ARL13B: variants seen among roughly 807,000 people sequenced by gnomAD.
ARL13B encodes ARF like GTPase 13B, also known as ADP-ribosylation factor-like protein 13B.
A neutral mutation model predicts 56.1 loss-of-function variants in ARL13B; 36 were observed. The ratio of observed to expected loss-of-function variants is 0.64; its 90% CI spans 0.49 to 0.85. The LOEUF is 0.85. ARL13B is among the 40% of genes least tolerant of loss of function. The probability of loss-of-function intolerance (pLI) is 0.00; values close to 1 mark genes in which losing one functional copy is unlikely to be tolerated. For synonymous variants in ARL13B, 178 were observed against 171.1 expected (o/e 1.04, Z -0.32); for missense variants, 519 against 507.1 (o/e 1.02, Z -0.23).
chr3:94,052,428 G>A (rs2077081743), intron 9 of ARL13B, among the ~76,000 whole-genome samples: 1 of 152,092 alleles, frequency 6.6e-6, no homozygotes, highest in Admixed American at 6.5e-5. Flanking sequence ...TGGGCAGTTA[G>A]GGAAAGTGGC....
chr3:94,007,526 G>C (rs1322704103), intron 3 of ARL13B, among the ~76,000 whole-genome samples: 3 of 152,134 alleles, frequency 2.0e-5, no homozygotes, highest in African/African-American at 7.2e-5. Context: ...AATCATGGTG[G>C]GAGGCAAAAG....
chr3:94,051,466 C>T (rs999657980), intron 9 of ARL13B, among the ~76,000 whole-genome samples: 5 of 152,018 alleles, frequency 3.3e-5, no homozygotes, highest in African/African-American at 4.8e-5. Context: ...ATATAACATA[C>T]GCTATAGTCT....
chr3:94,016,754 C>G (rs1310944744), intron 3 of ARL13B, among the ~76,000 whole-genome samples: 3 of 151,104 alleles, frequency 2.0e-5, no homozygotes, highest in East Asian at 2.0e-4. Flanking sequence ...TTAAGTGATT[C>G]TCCTGCCTCA....
At chr3:93,992,855 A>G (rs1261997087) in intron 1 of ARL13B, among the ~76,000 whole-genome samples, 1 of 151,976 alleles carries the variant, frequency 6.6e-6, no homozygotes, top group Non-Finnish European at 1.5e-5. Flanking sequence ...TACAAGTGGT[A>G]CGATCTTGTC....
At position 94,054,625 on chromosome 3, in the gene ARL13B, A is replaced by T. The variant is rs1200272996; in HGVS notation, c.*1362A>T. The stretch of plus-strand genomic sequence containing the variant: ...CATTAAGTACATTTTATGTCGTTTA[A>T]TATAATTATTTACTTTAAAAATTGT... On this transcript the variant is annotated 3_prime_UTR_variant, in exon 10 of 10. Transcript: ENST00000394222. 5.3e-6 allele frequency: 2 copies of T among 376,596 alleles called. No homozygotes were observed. Among genetic ancestry groups the T allele is most frequent in the Non-Finnish European group, 1.0e-5 (2 of 194,300 alleles). 23.3% of individuals were successfully genotyped at this position (376,596 alleles called of 1,614,324 possible).
intron 2 of ARL13B, among the ~76,000 whole-genome samples, chr3:93,996,218 A>G (rs2075963044): frequency 6.6e-6 from 1 of 152,202 alleles, no homozygotes; most frequent in African/African-American, 2.4e-5. Context: ...TCTAGACAAT[A>G]GGAAGGAAAA....
intron 5 of ARL13B, among the ~76,000 whole-genome samples, chr3:94,037,043 C>T (rs1335463022): frequency 6.6e-6 from 1 of 152,056 alleles, no homozygotes; most frequent in African/African-American, 2.4e-5. Context: ...CAGTGGTTCT[C>T]AATGCACAGG....
At chr3:94,048,504 C>T (rs553760958) in intron 7 of ARL13B, among the ~76,000 whole-genome samples, 8 of 152,272 alleles carry the variant, frequency 5.3e-5, no homozygotes, top group African/African-American at 1.9e-4. Context: ...TTCAATTCTG[C>T]TAGTTCTAAT....
chr3:94,016,114 TATAG>T (rs1426376480), intron 3 of ARL13B, among the ~76,000 whole-genome samples: 15 of 152,112 alleles, frequency 9.9e-5, no homozygotes, highest in African/African-American at 3.6e-4. Context: ...TATTTAATGA[TATAG>T]ATATATATGA....
chr3:93,982,554 A>G (rs1710270219), intron 1 of ARL13B, among the ~76,000 whole-genome samples: 1 of 152,242 alleles, frequency 6.6e-6, no homozygotes, highest in Admixed American at 6.5e-5. Flanking sequence ...TAAATAATAT[A>G]TTAGAATTAA....
intron 2 of ARL13B, among the ~76,000 whole-genome samples, chr3:94,002,072 G>C (rs765527891): frequency 3.9e-5 from 6 of 152,168 alleles, no homozygotes; most frequent in Non-Finnish European, 8.8e-5. Flanking sequence ...CTGTTTCTCA[G>C]TCACACCTAA....
intron 6 of ARL13B, among the ~76,000 whole-genome samples, chr3:94,041,682 C>T (rs573122530): frequency 2.6e-5 from 4 of 152,058 alleles, no homozygotes; most frequent in Non-Finnish European, 5.9e-5. Context: ...GACACGTATG[C>T]ACAAAAGAAC....
At chr3:93,999,773 A>G (rs1176355633) in intron 2 of ARL13B, among the ~76,000 whole-genome samples, 2 of 152,216 alleles carry the variant, frequency 1.3e-5, no homozygotes, top group Non-Finnish European at 2.9e-5. Flanking sequence ...CAGTAATTGC[A>G]TTAGTTGGAC....
At chr3:94,033,236 T>A (rs2076708193) in intron 3 of ARL13B, among the ~76,000 whole-genome samples, 1 of 151,662 alleles carries the variant, frequency 6.6e-6, no homozygotes, top group Non-Finnish European at 1.5e-5. Flanking sequence ...GGAAGGGGAG[T>A]TAGAGATGAG....
chr3:94,023,535 C>A (rs952208395), intron 3 of ARL13B, among the ~76,000 whole-genome samples: 1 of 151,412 alleles, frequency 6.6e-6, no homozygotes, highest in African/African-American at 2.4e-5. Flanking sequence ...TCTCCATTTT[C>A]TTTGTATTAT....
At chr3:94,015,554 A>G (rs1047447318) in intron 3 of ARL13B, among the ~76,000 whole-genome samples, 2 of 152,232 alleles carry the variant, frequency 1.3e-5, no homozygotes, top group African/African-American at 4.8e-5. Flanking sequence ...CAGTTGGTCA[A>G]AAATATTTGT....
chr3:94,032,747 C>T (rs1478575766), intron 3 of ARL13B, among the ~76,000 whole-genome samples: 22 of 152,286 alleles, frequency 1.4e-4, no homozygotes, highest in African/African-American at 4.8e-5. Context: ...CCGCCCGCCT[C>T]GGCCTCCCAA....
At chr3:94,045,061 A>G (rs925869954) in intron 7 of ARL13B, among the ~76,000 whole-genome samples, 2 of 152,004 alleles carry the variant, frequency 1.3e-5, no homozygotes, top group African/African-American at 2.4e-5. Context: ...GTCTGTGTAG[A>G]AAGAAGTAGA....
chr3:94,003,814 G>T lies in ARL13B; in HGVS notation c.286G>T (p.Val96Leu), dbSNP rs765833452. Reference sequence around the variant, plus strand: ...TGAATCCTATGGGGTAATATTTGTTGTGGATTCCAGTGATGAAGAGAGAAT... The same window carrying T: ...TGAATCCTATGGGGTAATATTTGTTTTGGATTCCAGTGATGAAGAGAGAAT... ...YAESYGVIFV[V>L]DSSDEERMEE... The change falls in exon 3 of 10, where the codon GTG becomes TTG. Residue 96 changes from valine (V) to leucine (L), a missense_variant. By Grantham distance (32) the Val-to-Leu change is conservative. Coordinates refer to ENST00000394222, the MANE Select transcript of ARL13B (RefSeq NM_001174150.2). 18 of 1,613,742 alleles carry T rather than the reference G, an allele frequency of 1.1e-5. No homozygotes were observed. The highest frequency in any genetic ancestry group is 3.3e-4 in the Middle Eastern group (2 of 6,058).
Sources: allele counts gnomAD v4.1 joint callset (sites outside exome capture counted in the v4.1 genomes callset), GRCh38; gene constraint gnomAD v4.1.1; transcripts MANE v1.5; gene names NCBI Gene and HGNC (gene_info 2026-07-23, HGNC 2026-07-21).